Variants in VAV3 observed in about 807,000 individuals in gnomAD.
VAV3 encodes the protein vav guanine nucleotide exchange factor 3, also known as guanine nucleotide exchange factor VAV3.
A neutral mutation model predicts 131.2 loss-of-function variants in VAV3; 94 were observed. The ratio of observed to expected loss-of-function variants is 0.72; its 90% CI spans 0.61 to 0.85. The LOEUF (loss-of-function observed/expected upper bound fraction) is 0.85, where lower values mean the gene tolerates loss of function less well. Ranked by LOEUF, VAV3 falls within the 40% of genes least tolerant of loss-of-function variation. The pLI is 0.00. For missense variants in VAV3, 939 were observed against 1,002.7 expected, an observed-to-expected ratio of 0.94 and a Z score of 0.86; for synonymous variants, 349 against 342.0, an observed-to-expected ratio of 1.02 and a Z score of -0.22.
chr1:107,837,522 A>G (rs1308001995), intron 2 of VAV3, among the ~76,000 whole-genome samples: 1 of 152,184 alleles, frequency 6.6e-6, no homozygotes, highest in South Asian at 2.1e-4. Context: ...TTTTCACAGA[A>G]TTAGATAAAA....
At chr1:107,688,278 TTTTAAAAGGCACA>T in intron 18 of VAV3, 90 bp downstream of exon 18, 1 of 1,338,820 alleles carries the variant, frequency 7.5e-7, no homozygotes, top group Non-Finnish European at 1.0e-6. Flanking sequence ...TTTCTATTTA[TTTTAAAAGGCACA>T]TTTAACAGTG....
intron 15 of VAV3, among the ~76,000 whole-genome samples, chr1:107,746,599 G>A (rs995112329): frequency 6.6e-6 from 1 of 152,116 alleles, no homozygotes; most frequent in African/African-American, 2.4e-5. Flanking sequence ...TTCTTCCATA[G>A]TAAAAGAACC....
At chr1:107,767,173 T>A (rs1664779440) in intron 7 of VAV3, among the ~76,000 whole-genome samples, 1 of 152,188 alleles carries the variant, frequency 6.6e-6, no homozygotes, top group Non-Finnish European at 1.5e-5. Flanking sequence ...AGGCAACTAA[T>A]GGCATAAATA....
At chr1:107,731,795 T>TTAA (rs1285821076) in intron 15 of VAV3, among the ~76,000 whole-genome samples, 1 of 152,180 alleles carries the variant, frequency 6.6e-6, no homozygotes, top group Admixed American at 6.5e-5. Context: ...TGGAGGAGCT[T>TTAA]TAATCTCCTC....
chr1:107,689,407 ACTC>A (rs1435598609), intron 17 of VAV3, among the ~76,000 whole-genome samples: 4 of 151,734 alleles, frequency 2.6e-5, no homozygotes, highest in African/African-American at 9.7e-5. Flanking sequence ...GAAGGGGAAA[ACTC>A]CTGCCAGGCC....
chr1:107,734,981 A>C (rs1430088392), intron 15 of VAV3, among the ~76,000 whole-genome samples: 2 of 152,224 alleles, frequency 1.3e-5, no homozygotes, highest in Non-Finnish European at 2.9e-5. Flanking sequence ...AGCAAATGTA[A>C]AAGAACAGAA....
At chr1:107,661,157 T>C (rs1029191650) in intron 19 of VAV3, among the ~76,000 whole-genome samples, 2 of 152,190 alleles carry the variant, frequency 1.3e-5, no homozygotes, top group Non-Finnish European at 2.9e-5. Flanking sequence ...GTTAACTTTA[T>C]AATATTATTT....
intron 19 of VAV3, among the ~76,000 whole-genome samples, chr1:107,656,482 G>A (rs1172538302): frequency 6.6e-6 from 1 of 152,170 alleles, no homozygotes; most frequent in Non-Finnish European, 1.5e-5. Context: ...GGTAGCAGAT[G>A]AAGAGATTAA....
At chr1:107,807,220 T>A (rs1161556184) in intron 2 of VAV3, among the ~76,000 whole-genome samples, 1 of 152,180 alleles carries the variant, frequency 6.6e-6, no homozygotes, top group African/African-American at 2.4e-5. Flanking sequence ...ATTCTAACCC[T>A]TTCCTCGTGT....
chr1:107,766,472 G>A lies in VAV3; in HGVS notation c.796C>T (p.Gln266Ter), dbSNP rs763612413. 57 of 1,612,220 alleles carry A rather than the reference G, an allele frequency of 3.5e-5. No individual in the cohort carries two copies. Among genetic ancestry groups the A allele is most frequent in the Non-Finnish European group, 4.7e-5 (55 of 1,179,102 alleles). The change falls in exon 8 of 27, where the codon CAA (glutamine) becomes TAA (stop). Residue 266 changes from glutamine (Q) to a stop codon, truncating the protein, a stop_gained. Transcript: ENST00000370056. LOFTEE classifies it high-confidence loss of function. The part of the protein sequence containing the change: ...IVNKNDQNLY[Q>*]VFINYKERLV... ...CTTTCCTTGTAGTTAATAAAAACTTGGTACAAGTTCTGGTCATTTTTATTT... is the reference window on the plus strand; with the variant it reads ...CTTTCCTTGTAGTTAATAAAAACTTAGTACAAGTTCTGGTCATTTTTATTT...
chr1:107,685,367 C>T (rs1486973113), intron 18 of VAV3, among the ~76,000 whole-genome samples: 3 of 152,162 alleles, frequency 2.0e-5, no homozygotes, highest in African/African-American at 7.2e-5. Flanking sequence ...ATAGGTTTTG[C>T]AGTGAGAATT....
intron 25 of VAV3, among the ~76,000 whole-genome samples, chr1:107,579,785 G>T (rs1486408764): frequency 6.6e-6 from 1 of 152,068 alleles, no homozygotes; most frequent in African/African-American, 2.4e-5. Flanking sequence ...GGCCACTCTT[G>T]TCTCTCTAAT....
chr1:107,616,479 T>C (rs931501665), intron 21 of VAV3, among the ~76,000 whole-genome samples: 1 of 152,076 alleles, frequency 6.6e-6, no homozygotes, highest in Admixed American at 6.6e-5. Context: ...ACACTACCTA[T>C]CAGGTACTAT....
At chr1:107,639,246 C>A (rs1225988945) in intron 20 of VAV3, among the ~76,000 whole-genome samples, 1 of 152,002 alleles carries the variant, frequency 6.6e-6, no homozygotes. Context: ...AGGAGAATGT[C>A]TTTGTAACTT....
intron 1 of VAV3, among the ~76,000 whole-genome samples, chr1:107,918,137 T>A (rs548963808): frequency 6.6e-6 from 1 of 152,306 alleles, no homozygotes; most frequent in East Asian, 1.9e-4. Context: ...TTCATGTATG[T>A]CCAGGTCCGA....
intron 7 of VAV3, among the ~76,000 whole-genome samples, chr1:107,767,143 A>T (rs993373635): frequency 6.6e-6 from 1 of 152,230 alleles, no homozygotes; most frequent in Non-Finnish European, 1.5e-5. Context: ...AACAATAATC[A>T]GACTAAATTA....
intron 2 of VAV3, among the ~76,000 whole-genome samples, chr1:107,821,410 A>T (rs1479384085): frequency 1.3e-5 from 2 of 152,238 alleles, no homozygotes; most frequent in Non-Finnish European, 2.9e-5. Flanking sequence ...GTGCTGGGCC[A>T]ATGAAGGAGG....
intron 2 of VAV3, among the ~76,000 whole-genome samples, chr1:107,870,863 TG>T (rs1428853355): frequency 6.6e-6 from 1 of 152,156 alleles, no homozygotes; most frequent in Non-Finnish European, 1.5e-5. Flanking sequence ...CTGTGTGTCA[TG>T]GGAAGCAGGC....
At chr1:107,801,304 G>T (rs1304602611) in intron 2 of VAV3, among the ~76,000 whole-genome samples, 1 of 151,944 alleles carries the variant, frequency 6.6e-6, no homozygotes, top group Non-Finnish European at 1.5e-5. Flanking sequence ...GGTCATTTGG[G>T]GTTCCAGATA....
Sources: gnomAD v4.1 joint callset for allele counts (sites outside exome capture counted in the v4.1 genomes callset) on GRCh38, gnomAD v4.1.1 for gene constraint, MANE v1.5 for transcripts, NCBI Gene and HGNC (gene_info 2026-07-23, HGNC 2026-07-21) for gene names.